Variants in MAGI3 observed in about 807,000 individuals in gnomAD.
MAGI3 encodes membrane associated guanylate kinase, WW and PDZ domain containing 3, also known as membrane-associated guanylate kinase, WW and PDZ domain-containing protein 3.
A neutral mutation model predicts 121.8 loss-of-function variants in MAGI3; 43 were observed. The observed-to-expected ratio is 0.35, with a 90% CI of 0.28 to 0.46. The LOEUF (loss-of-function observed/expected upper bound fraction) is 0.46. Ranked by LOEUF, MAGI3 falls within the 20% of genes least tolerant of loss-of-function variation. The probability of loss-of-function intolerance (pLI) is 1.00; values close to 1 mark genes in which losing one functional copy is unlikely to be tolerated. For missense variants in MAGI3, 1,547 were observed against 1,797.3 expected (o/e 0.86, Z 2.52); for synonymous variants, 553 against 639.3 (o/e 0.86, Z 2.04).
At chr1:113,531,994 C>G (rs1658751229) in intron 1 of MAGI3, among the ~76,000 whole-genome samples, 1 of 152,162 alleles carries the variant, frequency 6.6e-6, no homozygotes, top group Non-Finnish European at 1.5e-5. Flanking sequence ...GTCTCTGAAT[C>G]ACTGCTATAA....
intron 2 of MAGI3, among the ~76,000 whole-genome samples, chr1:113,563,833 C>G (rs929568648): frequency 3.3e-5 from 5 of 152,206 alleles, no homozygotes; most frequent in Admixed American, 2.6e-4. Context: ...TGTTAAATCC[C>G]TGACCCACTA....
chr1:113,521,772 T>C (rs1658212688), intron 1 of MAGI3, among the ~76,000 whole-genome samples: 1 of 152,214 alleles, frequency 6.6e-6, no homozygotes, highest in African/African-American at 2.4e-5. Flanking sequence ...TATAAAGCTT[T>C]ATACAAAAAG....
intron 1 of MAGI3, among the ~76,000 whole-genome samples, chr1:113,407,673 C>T (rs940642900): frequency 6.6e-6 from 1 of 151,672 alleles, no homozygotes; most frequent in East Asian, 1.9e-4. Context: ...GAAAACTAAA[C>T]CTTGGAGAAA....
intron 1 of MAGI3, among the ~76,000 whole-genome samples, chr1:113,513,296 C>A (rs1305042967): frequency 9.2e-5 from 14 of 151,850 alleles, no homozygotes; most frequent in African/African-American, 3.1e-4. Context: ...CATATGGAAT[C>A]AAAAAAAAGA....
At chr1:113,462,974 T>C (rs955712428) in intron 1 of MAGI3, among the ~76,000 whole-genome samples, 3 of 152,142 alleles carry the variant, frequency 2.0e-5, no homozygotes, top group African/African-American at 4.8e-5. Context: ...TGGACCCATA[T>C]GGTAATTGCA....
At chr1:113,404,855 C>T (rs1052124929) in intron 1 of MAGI3, among the ~76,000 whole-genome samples, 10 of 152,124 alleles carry the variant, frequency 6.6e-5, no homozygotes, top group Admixed American at 4.6e-4. Flanking sequence ...CTAGAATCAT[C>T]CTACAAGCCT....
intron 1 of MAGI3, among the ~76,000 whole-genome samples, chr1:113,425,828 G>A (rs1652981239): frequency 6.6e-6 from 1 of 152,040 alleles, no homozygotes; most frequent in Admixed American, 6.5e-5. Flanking sequence ...CCTACATAGA[G>A]GTTACTAAAT....
intron 16 of MAGI3, among the ~76,000 whole-genome samples, chr1:113,670,853 A>G (rs1647510856): frequency 6.6e-6 from 1 of 152,246 alleles, no homozygotes; most frequent in Non-Finnish European, 1.5e-5. Context: ...TAAATGATGC[A>G]ATCAGGCTTA....
rs572601125 is a variant in MAGI3, at chr1:113,390,898, C to G, written c.-136C>G. On this transcript the variant is annotated 5_prime_UTR_variant, in exon 1 of 21. Transcript: ENST00000307546. ...CCGGGCCCCCAGCGGGCTGTGGTCG[C>G]GGGGTGGGGGCCGGAGCGGCGAGGC... is the stretch of plus-strand genomic sequence containing the variant. The G allele has an allele frequency of 1.9e-6, 1 of 513,568 alleles. No homozygotes were observed. The highest frequency in any genetic ancestry group is 5.0e-5 in the Admixed American group (1 of 20,188). 31.8% of individuals were successfully genotyped at this position (513,568 alleles called of 1,614,324 possible).
At chr1:113,507,352 G>A (rs1657384768) in intron 1 of MAGI3, among the ~76,000 whole-genome samples, 1 of 152,108 alleles carries the variant, frequency 6.6e-6, no homozygotes, top group Non-Finnish European at 1.5e-5. Flanking sequence ...TCTACTACTT[G>A]TAAGGGGATA....
At chr1:113,637,801 G>C (rs1652140997) in intron 9 of MAGI3, among the ~76,000 whole-genome samples, 2 of 152,106 alleles carry the variant, frequency 1.3e-5, no homozygotes, top group South Asian at 2.1e-4. Flanking sequence ...GGGAAGTTCT[G>C]CTGGATAATA....
chr1:113,473,746 T>TAGC (rs1557775639), intron 1 of MAGI3, among the ~76,000 whole-genome samples: 1 of 152,212 alleles, frequency 6.6e-6, no homozygotes. Flanking sequence ...TGTGTCTTTA[T>TAGC]AGCAGCATGA....
At chr1:113,426,355 A>G (rs1333280257) in intron 1 of MAGI3, among the ~76,000 whole-genome samples, 2 of 152,200 alleles carry the variant, frequency 1.3e-5, no homozygotes, top group Admixed American at 1.3e-4. Flanking sequence ...TGGTGCTTAA[A>G]AAAAGGTATA....
At chr1:113,507,815 G>A (rs1657417862) in intron 1 of MAGI3, among the ~76,000 whole-genome samples, 1 of 152,124 alleles carries the variant, frequency 6.6e-6, no homozygotes, top group African/African-American at 2.4e-5. Flanking sequence ...AGAAAGACAG[G>A]TTTGCTTTCT....
intron 2 of MAGI3, among the ~76,000 whole-genome samples, chr1:113,566,300 T>C (rs1160877757): frequency 6.6e-6 from 1 of 152,222 alleles, no homozygotes; most frequent in African/African-American, 2.4e-5. Context: ...ATAGCAGCTT[T>C]ATTTATTATA....
At chr1:113,442,616 A>G (rs1283052070) in intron 1 of MAGI3, among the ~76,000 whole-genome samples, 1 of 151,788 alleles carries the variant, frequency 6.6e-6, no homozygotes, top group African/African-American at 2.4e-5. Context: ...ATTATATGTC[A>G]TGTATACAAT....
intron 1 of MAGI3, among the ~76,000 whole-genome samples, chr1:113,516,390 CA>C (rs60186333): frequency 0.29 from 21,084 of 72,652 alleles, 1,110 homozygotes; most frequent in African/African-American, 0.45. Context: ...GAAGTTCTCA[CA>C]AAAAAAAAAA....
intron 1 of MAGI3, among the ~76,000 whole-genome samples, chr1:113,536,869 C>CCTTTT (rs996445857): frequency 1.3e-5 from 2 of 152,266 alleles, no homozygotes; most frequent in Admixed American, 1.3e-4. Flanking sequence ...AAATCCATCT[C>CCTTTT]CTTTTCTCCT....
In MAGI3 at chr1:113,684,114, A is replaced by G. The variant is rs551492194; in HGVS notation, c.*100A>G. On this transcript the variant is annotated 3_prime_UTR_variant, in exon 21 of 21. Transcript: ENST00000307546. Reference sequence around the variant, plus strand: ...TTTTTTTTCAGATATTCTGAAACAGATAAGTACATGTTAATGTGAGCCTCA... The same window carrying G: ...TTTTTTTTCAGATATTCTGAAACAGGTAAGTACATGTTAATGTGAGCCTCA... The G allele has an allele frequency of 3.4e-5, 45 of 1,308,464 alleles. No individual in the cohort carries two copies. Among genetic ancestry groups the G allele is most frequent in the Middle Eastern group, 5.2e-4 (2 of 3,872 alleles). The allele number at this position is 1,308,464 out of a possible 1,614,324, so 81.1% of individuals were successfully genotyped here. A position where few individuals can be genotyped will look rare whatever the true frequency, so the allele number is the denominator to read the frequency against.
Sources: gnomAD v4.1 joint callset for allele counts (sites outside exome capture counted in the v4.1 genomes callset) on GRCh38, gnomAD v4.1.1 for gene constraint, MANE v1.5 for transcripts, NCBI Gene and HGNC (gene_info 2026-07-23, HGNC 2026-07-21) for gene names.